The following FRMD4B variants were observed in gnomAD, a reference collection of about 807,000 sequenced individuals.
FRMD4B encodes FERM domain containing 4B.
A neutral mutation model predicts 141.5 loss-of-function variants in FRMD4B; 74 were observed. That is an observed-to-expected ratio of 0.52 (90% CI 0.43 to 0.63). FRMD4B has a LOEUF of 0.63. Among genes scored for constraint, FRMD4B ranks in the 30% least tolerant of loss-of-function variants. The pLI is 0.00. For missense variants in FRMD4B, 1,366 were observed against 1,253.4 expected (o/e 1.09, Z -1.36); for synonymous variants, 506 against 467.9 (o/e 1.08, Z -1.05).
intron 1 of FRMD4B, among the ~76,000 whole-genome samples, chr3:69,330,644 C>A (rs1347803202): frequency 6.6e-6 from 1 of 151,028 alleles, no homozygotes; most frequent in African/African-American, 2.5e-5. Context: ...TGTGCCTGGC[C>A]GCCTTTTTTT....
intron 1 of FRMD4B, among the ~76,000 whole-genome samples, chr3:69,325,080 AAAAAAAAAGAAAG>A (rs905277570): frequency 4.4e-5 from 6 of 135,598 alleles, no homozygotes; most frequent in East Asian, 5.0e-4. Flanking sequence ...CTGTCTAAAA[AAAAAAAAAGAAAG>A]AAAGAAAGAA....
At chr3:69,527,099 A>G (rs759715575) in intron 1 of FRMD4B, among the ~76,000 whole-genome samples, 1 of 152,118 alleles carries the variant, frequency 6.6e-6, no homozygotes, top group African/African-American at 2.4e-5. Flanking sequence ...GTCCTGGGGC[A>G]TGGGTCTCTC....
At chr3:69,506,558 C>G (rs921878810) in intron 1 of FRMD4B, among the ~76,000 whole-genome samples, 4 of 150,820 alleles carry the variant, frequency 2.7e-5, no homozygotes, top group Admixed American at 1.3e-4. Flanking sequence ...CTTTTTGAGA[C>G]AGGATCTCGT....
At chr3:69,354,508 T>C (rs963648018) in intron 1 of FRMD4B, among the ~76,000 whole-genome samples, 2 of 152,162 alleles carry the variant, frequency 1.3e-5, no homozygotes, top group African/African-American at 4.8e-5. Context: ...AGAAACCTCG[T>C]GTTTTACAGT....
intron 22 of FRMD4B, among the ~76,000 whole-genome samples, chr3:69,172,223 G>A (rs1187486904): frequency 1.3e-5 from 2 of 152,146 alleles, no homozygotes; most frequent in Non-Finnish European, 1.5e-5. Flanking sequence ...TGTTTAACTT[G>A]TGTTTCATTG....
chr3:69,338,112 G>A (rs1338195888), intron 1 of FRMD4B, among the ~76,000 whole-genome samples: 1 of 152,186 alleles, frequency 6.6e-6, no homozygotes, highest in Non-Finnish European at 1.5e-5. Context: ...ATACACCATG[G>A]AATACTCTGC....
intron 1 of FRMD4B, among the ~76,000 whole-genome samples, chr3:69,322,411 T>C (rs1002560785): frequency 6.6e-6 from 1 of 152,260 alleles, no homozygotes; most frequent in South Asian, 2.1e-4. Context: ...AGACAGTGCC[T>C]ACCCTCCCAA....
chr3:69,249,957 C>A, intron 6 of FRMD4B, 86 bp downstream of exon 6: 1 of 853,222 alleles, frequency 1.2e-6, no homozygotes, highest in Non-Finnish European at 2.0e-6. Context: ...AAACACTGGC[C>A]CATGCAAAAG....
intron 11 of FRMD4B, among the ~76,000 whole-genome samples, chr3:69,204,870 C>A (rs2093007545): frequency 3.9e-5 from 6 of 152,062 alleles, no homozygotes. Flanking sequence ...TTTAGTCTCA[C>A]TATGCAGAAG....
intron 11 of FRMD4B, among the ~76,000 whole-genome samples, chr3:69,213,849 C>CT (rs910228852): frequency 4.0e-5 from 6 of 150,218 alleles, no homozygotes; most frequent in African/African-American, 9.8e-5. Context: ...TTTTCTTTTT[C>CT]TTTTTTTTTG....
chr3:69,250,067 G>A lies in FRMD4B; in HGVS notation c.534C>T (p.Phe178=), dbSNP rs911771857. ...GQIEVESETI[F]KLAAFILQEA... ...CCTGTAAAATAAACGCTGCTAACTT[G>A]AAGATGGTTTCGCTCTCTACTTCGA... Residue 178 remains phenylalanine, a synonymous_variant, in exon 6 of 23, where the codon TTC becomes TTT. Transcript: ENST00000398540. The A allele has an allele frequency of 3.1e-6, 5 of 1,610,806 alleles. No homozygotes were observed. The highest frequency in any genetic ancestry group is 4.2e-6 in the Non-Finnish European group (5 of 1,176,984).
At chr3:69,404,227 G>C (rs1704616038) in intron 2 of FRMD4B, among the ~76,000 whole-genome samples, 1 of 152,090 alleles carries the variant, frequency 6.6e-6, no homozygotes, top group Non-Finnish European at 1.5e-5. Flanking sequence ...GGATTTTCTT[G>C]AAGAAAATCG....
chr3:69,210,749 C>A (rs1164306656), intron 11 of FRMD4B, among the ~76,000 whole-genome samples: 1 of 152,122 alleles, frequency 6.6e-6, no homozygotes, highest in African/African-American at 2.4e-5. Context: ...TGTAGTGGCA[C>A]ACATCTCTAT....
At chr3:69,368,729 C>T (rs1703740089) in intron 1 of FRMD4B, among the ~76,000 whole-genome samples, 2 of 152,210 alleles carry the variant, frequency 1.3e-5, no homozygotes, top group African/African-American at 4.8e-5. Flanking sequence ...GCAATCACGG[C>T]TCACTGCAAC....
intron 7 of FRMD4B, among the ~76,000 whole-genome samples, chr3:69,246,338 C>A (rs2093425510): frequency 6.6e-6 from 1 of 151,998 alleles, no homozygotes; most frequent in Non-Finnish European, 1.5e-5. Flanking sequence ...TACCTGTAGT[C>A]CCAGCCACTC....
At chr3:69,485,359 G>A (rs1392866037) in intron 1 of FRMD4B, among the ~76,000 whole-genome samples, 4 of 152,186 alleles carry the variant, frequency 2.6e-5, no homozygotes, top group African/African-American at 9.6e-5. Flanking sequence ...TGGATCTACA[G>A]CCCCAGCTTG....
chr3:69,408,301 A>T (rs1272474551), intron 2 of FRMD4B, among the ~76,000 whole-genome samples: 1 of 152,212 alleles, frequency 6.6e-6, no homozygotes, highest in Non-Finnish European at 1.5e-5. Context: ...GGTTCTTTTC[A>T]ATTAATAGTC....
chr3:69,349,427 C>A (rs1479401733), intron 1 of FRMD4B, among the ~76,000 whole-genome samples: 1 of 152,150 alleles, frequency 6.6e-6, no homozygotes, highest in African/African-American at 2.4e-5. Context: ...CAAAGCCATT[C>A]CCATCAAGCT....
At chr3:69,490,841 G>A (rs1012635694) in intron 1 of FRMD4B, among the ~76,000 whole-genome samples, 1 of 152,052 alleles carries the variant, frequency 6.6e-6, no homozygotes, top group African/African-American at 2.4e-5. Flanking sequence ...TGAAGCACAC[G>A]ATAAGGTTGC....
Sources: gnomAD v4.1 joint callset for allele counts (sites outside exome capture counted in the v4.1 genomes callset) on GRCh38, gnomAD v4.1.1 for gene constraint, MANE v1.5 for transcripts, NCBI Gene and HGNC (gene_info 2026-07-23, HGNC 2026-07-21) for gene names.